The following ROR1 variants were observed in gnomAD, a reference collection of about 807,000 sequenced individuals.
ROR1 encodes inactive tyrosine-protein kinase transmembrane receptor ROR1.
ROR1 carries 19 observed loss-of-function variants against 78.8 expected under a neutral mutation model. That is an observed-to-expected ratio of 0.24 (90% CI 0.17 to 0.35). The LOEUF is 0.35. Ranked by LOEUF, ROR1 falls within the 10% of genes least tolerant of loss-of-function variation. The probability of loss-of-function intolerance (pLI) is 1.00; values close to 1 mark genes in which losing one functional copy is unlikely to be tolerated. For missense variants in ROR1, 917 were observed against 1,177.8 expected, an observed-to-expected ratio of 0.78 and a Z score of 3.24; for synonymous variants, 386 against 433.6, an observed-to-expected ratio of 0.89 and a Z score of 1.36.
intron 1 of ROR1, among the ~76,000 whole-genome samples, chr1:63,924,162 T>C (rs1449988169): frequency 6.6e-6 from 1 of 152,076 alleles, no homozygotes; most frequent in African/African-American, 2.4e-5. Flanking sequence ...CTCACCACAT[T>C]CTCTCCCCCA....
chr1:64,068,495 A>AT (rs1252172487), intron 4 of ROR1, among the ~76,000 whole-genome samples: 2 of 152,004 alleles, frequency 1.3e-5, no homozygotes, highest in Admixed American at 6.6e-5. Context: ...ATTGCCTTTG[A>AT]TTTTTTTCAA....
chr1:64,004,263 C>A (rs1646410480), intron 1 of ROR1, among the ~76,000 whole-genome samples: 2 of 152,142 alleles, frequency 1.3e-5, no homozygotes, highest in African/African-American at 4.8e-5. Flanking sequence ...AACATTGGGG[C>A]ATTTTCCACA....
chr1:64,016,898 C>T (rs897413764), intron 2 of ROR1, among the ~76,000 whole-genome samples: 3 of 151,344 alleles, frequency 2.0e-5, no homozygotes, highest in Admixed American at 6.6e-5. Flanking sequence ...GGTTAAAAGG[C>T]GAAAAACACA....
At chr1:63,982,008 T>A (rs1249648126) in intron 1 of ROR1, among the ~76,000 whole-genome samples, 1 of 151,820 alleles carries the variant, frequency 6.6e-6, no homozygotes, top group African/African-American at 2.4e-5. Context: ...ATATAAAAAA[T>A]AAAAATAAAA....
chr1:63,994,616 C>T (rs978568178), intron 1 of ROR1, among the ~76,000 whole-genome samples: 2 of 152,126 alleles, frequency 1.3e-5, no homozygotes, highest in African/African-American at 4.8e-5. Flanking sequence ...TGGAATAGCT[C>T]ACAGTGTGGG....
At chr1:64,014,773 T>TATATATATACACACACAC (rs71056017) in intron 2 of ROR1, among the ~76,000 whole-genome samples, 1 of 46,996 alleles carries the variant, frequency 2.1e-5, no homozygotes, top group Non-Finnish European at 4.6e-5. Flanking sequence ...TATATATATA[T>TATATATATACACACACAC]ACACATTTTG....
intron 1 of ROR1, among the ~76,000 whole-genome samples, chr1:63,790,246 T>C (rs1644717461): frequency 6.6e-6 from 1 of 152,242 alleles, no homozygotes; most frequent in African/African-American, 2.4e-5. Context: ...CTGGGCCAGT[T>C]GAATGGATTC....
intron 1 of ROR1, among the ~76,000 whole-genome samples, chr1:63,857,750 G>A (rs895732250): frequency 6.6e-6 from 1 of 152,128 alleles, no homozygotes; most frequent in Non-Finnish European, 1.5e-5. Context: ...TTTAAGAGTC[G>A]GTAGAATGAA....
At chr1:64,080,987 T>G (rs1252745750) in intron 4 of ROR1, among the ~76,000 whole-genome samples, 1 of 152,234 alleles carries the variant, frequency 6.6e-6, no homozygotes, top group Admixed American at 6.5e-5. Context: ...TGCTAACATG[T>G]ACCTACACCT....
At chr1:63,914,644 TG>T (rs1645595786) in intron 1 of ROR1, among the ~76,000 whole-genome samples, 1 of 152,190 alleles carries the variant, frequency 6.6e-6, no homozygotes, top group South Asian at 2.1e-4. Context: ...TCTATTAACC[TG>T]GCCAAACACC....
At chr1:63,927,330 T>G (rs1645713061) in intron 1 of ROR1, among the ~76,000 whole-genome samples, 1 of 131,920 alleles carries the variant, frequency 7.6e-6, no homozygotes, top group African/African-American at 2.9e-5. Context: ...TTGCGTATAT[T>G]GAACCAGCCT....
rs112511545 is a variant in ROR1, at chr1:63,998,027, G to A, written c.92-11278G>A. Among the ~76,000 whole-genome samples the A allele has an allele frequency of 7.5e-3, 1,148 of 152,142 alleles. 11 individuals carry two copies. The highest frequency in any genetic ancestry group is 0.026 in the African/African-American group (1,067 of 41,506). On this transcript the variant is annotated intron_variant, in intron 1 of 8. Coordinates refer to ENST00000371079, the MANE Select transcript of ROR1 (RefSeq NM_005012.4). Reference sequence around the variant, plus strand: ...AGAGGTATGAAGTAATTTTAAGCTGGTGTGTAACAGAGCTGGGATTTGTGT... The same window carrying A: ...AGAGGTATGAAGTAATTTTAAGCTGATGTGTAACAGAGCTGGGATTTGTGT...
intron 1 of ROR1, among the ~76,000 whole-genome samples, chr1:63,812,043 C>T (rs575072134): frequency 1.9e-4 from 29 of 150,432 alleles, no homozygotes; most frequent in Admixed American, 1.4e-3. Context: ...TCACTGCAAC[C>T]GCCACCTCCC....
At chr1:64,050,635 C>T (rs749923430) in intron 3 of ROR1, 51 bp from the exon 4 acceptor site, 4 of 1,555,840 alleles carry the variant, frequency 2.6e-6, no homozygotes, top group Admixed American at 1.7e-5. Flanking sequence ...CATACTCACC[C>T]TCCAATAACC....
intron 8 of ROR1, among the ~76,000 whole-genome samples, chr1:64,163,559 C>T (rs1465201348): frequency 6.6e-6 from 1 of 152,144 alleles, no homozygotes; most frequent in Non-Finnish European, 1.5e-5. Flanking sequence ...AGGAACATCG[C>T]AGGGGAAAGA....
chr1:64,128,201 T>C (rs1168534761), intron 4 of ROR1, among the ~76,000 whole-genome samples: 1 of 149,074 alleles, frequency 6.7e-6, no homozygotes, highest in East Asian at 2.0e-4. Flanking sequence ...ATGCCTGTAA[T>C]CTCAGCACTT....
At chr1:64,028,899 T>C (rs1646637854) in intron 2 of ROR1, 2 of 152,290 alleles carry the variant, frequency 1.3e-5, no homozygotes, top group East Asian at 1.9e-4. Flanking sequence ...GTTTTAAAAA[T>C]ATGGAACACT....
intron 2 of ROR1, among the ~76,000 whole-genome samples, chr1:64,025,833 G>A (rs189912568): frequency 2.2e-4 from 34 of 152,260 alleles, no homozygotes; most frequent in Admixed American, 1.8e-3. Context: ...AAAGGCATAA[G>A]AATGATACAA....
At chr1:64,155,954 G>C (rs12089614) in intron 7 of ROR1, among the ~76,000 whole-genome samples, 41,281 of 151,996 alleles carry the variant, frequency 0.27, 5,894 homozygotes, top group East Asian at 0.36. Flanking sequence ...TTGATTCTCA[G>C]GTGAACCAAA....
Sources: gnomAD v4.1 joint callset for allele counts (sites outside exome capture counted in the v4.1 genomes callset) on GRCh38, gnomAD v4.1.1 for gene constraint, MANE v1.5 for transcripts, NCBI Gene and HGNC (gene_info 2026-07-23, HGNC 2026-07-21) for gene names.